The following SCN1A variants were observed in gnomAD, a reference collection of about 807,000 sequenced individuals.
The protein encoded by SCN1A is sodium voltage-gated channel alpha subunit 1.
A neutral mutation model predicts 193.7 loss-of-function variants in SCN1A; 13 were observed. The observed-to-expected ratio is 0.07, with a 90% confidence interval of 0.04 to 0.11. The LOEUF (loss-of-function observed/expected upper bound fraction) is 0.11. Among genes scored for constraint, SCN1A ranks in the 10% least tolerant of loss-of-function variants. The pLI is 1.00. For synonymous variants in SCN1A, 781 were observed against 843.6 expected, an observed-to-expected ratio of 0.93 and a Z score of 1.29; for missense variants, 1,432 against 2,451.1, an observed-to-expected ratio of 0.58 and a Z score of 8.78.
chr2:166,080,352 C>G (rs1329472865), intron 2 of SCN1A, among the ~76,000 whole-genome samples: 1 of 151,726 alleles, frequency 6.6e-6, no homozygotes, highest in Non-Finnish European at 1.5e-5. Context: ...ATGAAACTTT[C>G]CTAACAAGAG....
intron 19 of SCN1A, among the ~76,000 whole-genome samples, chr2:166,026,679 C>CTT (rs35750460): frequency 6.0e-3 from 582 of 97,660 alleles, no homozygotes; most frequent in Non-Finnish European, 7.0e-3. Context: ...TTCTTTCTTT[C>CTT]TTTTTTTTTT....
In SCN1A at chr2:166,013,693, TAG is replaced by T. The variant is rs1332910450; in HGVS notation, c.3705+49_3705+50del. ...CAAAGGATTAATAAGTCATCAGTAT[TAG>T]AGTGTTCTAAAAATTAGTGCTGTAT... is the stretch of plus-strand genomic sequence containing the variant. On this transcript the variant is annotated intron_variant, in intron 21 of 28. Coordinates refer to ENST00000674923, the MANE Select transcript of SCN1A (RefSeq NM_001165963.4). The T allele has an allele frequency of 2.6e-6, 4 of 1,528,784 alleles. No individual in the cohort carries two copies. In the African/African-American group the frequency reaches 5.5e-5, roughly 21 times the overall value. The allele number at this position is 1,528,784 out of a possible 1,614,324, so 94.7% of individuals were successfully genotyped here.
Position 166,045,247 on chromosome 2 carries a change from G to A in SCN1A, c.1458C>T (p.Ala486=), listed in dbSNP as rs562153154. The A allele has an allele frequency of 6.8e-6, 11 of 1,614,078 alleles. No individual in the cohort carries two copies. The highest frequency in any genetic ancestry group is 5.3e-5 in the African/African-American group (4 of 75,000). ...TAGCACTCTTGGAACTCAACTTAGA[G>A]GCTTCAGATGAGCTGTCTGAGAGCC... The part of the protein sequence containing the change: ...AGRLSDSSSE[A]SKLSSKSAKE... The change falls in exon 13 of 29, where the codon GCC becomes GCT. Residue 486 remains alanine (A), a synonymous_variant. Coordinates refer to ENST00000674923, the MANE Select transcript of SCN1A (RefSeq NM_001165963.4).
At chr2:166,113,549 A>G (rs1329713993) in intron 2 of SCN1A, among the ~76,000 whole-genome samples, 3 of 116,368 alleles carry the variant, frequency 2.6e-5, no homozygotes, top group Non-Finnish European at 5.3e-5. Context: ...AACAACCGAT[A>G]TATATACTAA....
At chr2:166,014,637 C>T (rs1185578748) in intron 20 of SCN1A, among the ~76,000 whole-genome samples, 2 of 112,900 alleles carry the variant, frequency 1.8e-5, no homozygotes, top group African/African-American at 6.7e-5. Flanking sequence ...ATCCCTGCTC[C>T]AAGGCAAAAA....
chr2:166,052,817 G>A (rs770954374), intron 8 of SCN1A, 35 bp downstream of exon 8: 1 of 1,496,930 alleles, frequency 6.7e-7, no homozygotes, highest in Admixed American at 1.7e-5. Flanking sequence ...TGAATCACAT[G>A]ATGGGTCCGT....
Position 166,123,223 on chromosome 2 carries a change from C to CAAAAAAAAA in SCN1A, c.-142+3692_-142+3700dup, listed in dbSNP as rs57488795. ...AATCACATTCCTACTCATTCATTTG[C>CAAAAAAAAA]AAAAAAAAAAAAAAAAAAAAAAAAA... On this transcript the variant is annotated intron_variant, in intron 2 of 28. Transcript: ENST00000674923. Among the ~76,000 whole-genome samples the CAAAAAAAAA allele has an allele frequency of 3.4e-4, 39 of 116,390 alleles. 3 individuals carry two copies. The highest frequency in any genetic ancestry group is 1.7e-3 in the South Asian group (6 of 3,580). 76.4% of individuals were successfully genotyped at this position (116,390 alleles called of 152,430 possible).
At chr2:166,054,437 G>A (rs1176157644) in intron 7 of SCN1A, among the ~76,000 whole-genome samples, 1 of 151,922 alleles carries the variant, frequency 6.6e-6, no homozygotes, top group African/African-American at 2.4e-5. Context: ...TGTGAAAATT[G>A]TAGTTTTCAA....
intron 19 of SCN1A, among the ~76,000 whole-genome samples, chr2:166,022,220 A>T (rs1364724177): frequency 2.0e-5 from 3 of 152,206 alleles, no homozygotes; most frequent in African/African-American, 7.2e-5. Context: ...AATTATGTGG[A>T]ATTTAGTATC....
intron 2 of SCN1A, among the ~76,000 whole-genome samples, chr2:166,087,228 AGGCTGAGGTGGGT>A (rs1686236309): frequency 1.3e-5 from 2 of 150,574 alleles, no homozygotes; most frequent in South Asian, 2.1e-4. Flanking sequence ...GGACTTTGGG[AGGCTGAGGTGGGT>A]GGATCACCTG....
intron 1 of SCN1A, among the ~76,000 whole-genome samples, chr2:166,145,142 A>ATTTT (rs10527781): frequency 2.3e-5 from 3 of 129,054 alleles, no homozygotes; most frequent in Non-Finnish European, 5.0e-5. Context: ...GGCCTAAGTA[A>ATTTT]TTTTTTTTTT....
upstream of SCN1A, among the ~76,000 whole-genome samples, chr2:166,132,562 A>G (rs529081623): frequency 5.3e-5 from 8 of 152,280 alleles, no homozygotes; most frequent in Admixed American, 5.2e-4. Context: ...GGAGTCAGAA[A>G]TGAATGTGAA....
In SCN1A at chr2:166,034,541, G is replaced by A. The variant is rs369301592; in HGVS notation, c.3429+1507C>T. Among the ~76,000 whole-genome samples, 10 of 152,276 alleles carry A rather than the reference G, an allele frequency of 6.6e-5. No individual in the cohort carries two copies. The South Asian group carries it at 1.5e-3, about 22-fold the overall frequency. ...AAAAGATGGGCACCCTGCTGTTTTT[G>A]AGATTTCCAAACACTAAATGGGAAG... On this transcript the variant is annotated intron_variant, in intron 19 of 28. Coordinates refer to ENST00000674923, the MANE Select transcript of SCN1A (RefSeq NM_001165963.4).
At chr2:166,061,443 C>A (rs559421478) in intron 4 of SCN1A, among the ~76,000 whole-genome samples, 1 of 152,182 alleles carries the variant, frequency 6.6e-6, no homozygotes, top group South Asian at 2.1e-4. Context: ...AGAGAGAAAT[C>A]TGTTAAAGGA....
chr2:166,050,008 C>T (rs1698342816), intron 9 of SCN1A, among the ~76,000 whole-genome samples: 1 of 151,948 alleles, frequency 6.6e-6, no homozygotes, highest in Admixed American at 6.6e-5. Flanking sequence ...ATACATAGTT[C>T]TGTACAGGAC....
intron 12 of SCN1A, 64 bp downstream of exon 12, chr2:166,046,705 CT>C (rs1229912476): frequency 2.6e-6 from 4 of 1,521,060 alleles, no homozygotes. Context: ...TACTCACTTT[CT>C]CTTCAATATT....
rs568461410 is a variant in SCN1A, at chr2:166,051,822, C to T, written c.861G>A (p.Leu287=). 47 of 1,612,440 alleles carry T rather than the reference C, an allele frequency of 2.9e-5. No individual in the cohort carries two copies. In the South Asian group the frequency reaches 3.8e-4, roughly 13 times the overall value. Residue 287 remains leucine (L), a synonymous_variant, in exon 9 of 29, where the codon TTG becomes TTA. Coordinates refer to ENST00000674923, the MANE Select transcript of SCN1A (RefSeq NM_001165963.4). ...CIQWPPTNAS[L]EEHSIEKNIT... ...TATTCTTTTCTATACTATGTTCCTC[C>T]AAGGAAGCATTGGTGGGAGGCCATT...
chr2:166,069,397 T>A (rs1684182096), intron 4 of SCN1A, among the ~76,000 whole-genome samples: 1 of 152,206 alleles, frequency 6.6e-6, no homozygotes. Context: ...TAAACTGCTT[T>A]AACAATTTTA....
intron 5 of SCN1A, 92 bp from the exon 6 acceptor site, chr2:166,056,592 A>C: frequency 1.1e-6 from 1 of 884,142 alleles, no homozygotes; most frequent in Non-Finnish European, 1.9e-6. Flanking sequence ...ACTGCAGCTT[A>C]GCCAAAATTC....
Sources: gnomAD v4.1 joint callset for allele counts (sites outside exome capture counted in the v4.1 genomes callset) on GRCh38, gnomAD v4.1.1 for gene constraint, MANE v1.5 for transcripts, NCBI Gene and HGNC (gene_info 2026-07-23, HGNC 2026-07-21) for gene names.